Variants in INPP5F observed in about 807,000 individuals in gnomAD.
The protein encoded by INPP5F is inositol polyphosphate-5-phosphatase F, also known as phosphatidylinositide 4-phosphatase SAC2.
In INPP5F, 97 loss-of-function variants were observed where a neutral mutation model predicts 137.2. That is an observed-to-expected ratio of 0.71 (90% CI 0.60 to 0.84). INPP5F has a LOEUF of 0.84. Ranked by LOEUF, INPP5F falls within the 40% of genes least tolerant of loss-of-function variation. The probability of loss-of-function intolerance (pLI) is 0.00; values close to 1 mark genes in which losing one functional copy is unlikely to be tolerated. For synonymous variants in INPP5F, 504 were observed against 476.9 expected (o/e 1.06, Z -0.74); for missense variants, 1,271 against 1,371.9 (o/e 0.93, Z 1.16).
intron 2 of INPP5F, among the ~76,000 whole-genome samples, chr10:119,759,672 A>T (rs530068249): frequency 6.6e-6 from 1 of 152,114 alleles, no homozygotes; most frequent in Non-Finnish European, 1.5e-5. Flanking sequence ...TAAGATTTTC[A>T]TTGGTGACCA....
chr10:119,741,595 C>T (rs961642809), intron 1 of INPP5F, among the ~76,000 whole-genome samples: 22 of 152,246 alleles, frequency 1.4e-4, no homozygotes, highest in Middle Eastern at 6.8e-3. Flanking sequence ...AGTGCAGTGG[C>T]GTGATCTTGG....
In INPP5F at chr10:119,726,310, G is replaced by T. The variant is rs868731030; in HGVS notation, c.48G>T (p.Glu16Asp). Residue 16 changes from glutamate to aspartate, a missense_variant, in exon 1 of 20, where the codon GAG becomes GAT. Coordinates refer to ENST00000650623, the MANE Select transcript of INPP5F (RefSeq NM_014937.4). The part of the protein sequence containing the change: ...AKDHYILQQG[E>D]RALWCSRRDG... ...ACCACTACATCCTGCAGCAGGGCGA[G>T]CGCGCGCTGTGGTGCAGCCGCCGCG... 3.4e-6 allele frequency: 5 copies of T among 1,485,916 alleles called. No individual in the cohort carries two copies. Among genetic ancestry groups the T allele is most frequent in the South Asian group, 1.3e-5 (1 of 78,502 alleles). 92.0% of individuals were successfully genotyped at this position (1,485,916 alleles called of 1,614,324 possible).
chr10:119,771,878 ATATATTTTTTTTTTTTTTTTTTT>A (rs1849368781), intron 2 of INPP5F, among the ~76,000 whole-genome samples: 1 of 20,424 alleles, frequency 4.9e-5, no homozygotes, highest in Non-Finnish European at 8.1e-5. Context: ...ATATATATAT[ATATATTTTTTTTTTTTTTTTTTT>A]TTTTTTTTTT....
intron 9 of INPP5F, among the ~76,000 whole-genome samples, chr10:119,799,673 CAATTA>C (rs1290427900): frequency 6.6e-6 from 1 of 152,232 alleles, no homozygotes; most frequent in Middle Eastern, 3.4e-3. Flanking sequence ...AAGGTATTAT[CAATTA>C]AATTAAACAT....
chr10:119,758,953 A>G (rs1191868411), intron 2 of INPP5F, among the ~76,000 whole-genome samples: 1 of 152,176 alleles, frequency 6.6e-6, no homozygotes, highest in African/African-American at 2.4e-5. Flanking sequence ...TATTTTACAT[A>G]TTTTAGTGGT....
intron 1 of INPP5F, among the ~76,000 whole-genome samples, chr10:119,729,663 A>G (rs1188185309): frequency 1.4e-5 from 2 of 142,932 alleles, no homozygotes; most frequent in Admixed American, 1.4e-4. Flanking sequence ...TGTAGCCCCT[A>G]CCTCCCGGCA....
At chr10:119,775,688 A>G (rs771321320) in intron 2 of INPP5F, among the ~76,000 whole-genome samples, 2 of 152,126 alleles carry the variant, frequency 1.3e-5, no homozygotes, top group African/African-American at 4.8e-5. Context: ...GTTGAACATC[A>G]TAGAAGACTG....
chr10:119,726,273 TC>T lies in INPP5F; in HGVS notation c.13del (p.Gln5LysfsTer44). Reference protein sequence around the residue: MELFQAKDHYILQQ... With the variant: MELXQAKDHYILQQ... ...GCGCGCGGGGCCAGCATGGAGCTCTTCCAAGCCAAGGACCACTACATCCTGC... is the reference window on the plus strand; with the variant it reads ...GCGCGCGGGGCCAGCATGGAGCTCTTCAAGCCAAGGACCACTACATCCTGC... On this transcript the variant is annotated frameshift_variant, in exon 1 of 20. Coordinates refer to ENST00000650623, the MANE Select transcript of INPP5F (RefSeq NM_014937.4). LOFTEE classifies it high-confidence loss of function. 1 of 1,484,240 alleles carries T rather than the reference TC, an allele frequency of 6.7e-7. No individual in the cohort carries two copies. The allele number at this position is 1,484,240 out of a possible 1,614,324, so 91.9% of individuals were successfully genotyped here.
At position 119,787,624 on chromosome 10, in the gene INPP5F, G is replaced by A. The variant is rs1394681767; in HGVS notation, c.316-3893G>A. ...AGGAAAGGATAGAAGGAAGGAAAGG[G>A]AAGGGGGAGGGGAAGGGGAGGAGGA... On this transcript the variant is annotated intron_variant, in intron 3 of 19. Coordinates refer to ENST00000650623, the MANE Select transcript of INPP5F (RefSeq NM_014937.4). This position sits in a 1 kb window ranked among gnomAD's most constrained non-coding sequence, Gnocchi z 4.1. 6.6e-6 allele frequency among the ~76,000 whole-genome samples: 1 copy of A among 151,414 alleles called. No homozygotes were observed. The highest frequency in any genetic ancestry group is 1.5e-5 in the Non-Finnish European group (1 of 67,798).
chr10:119,756,865 C>CAAAAAAAAAAAAAA lies in INPP5F; in HGVS notation c.178+5717_178+5730dup. Among the ~76,000 whole-genome samples, 2 of 97,346 alleles carry CAAAAAAAAAAAAAA rather than the reference C, an allele frequency of 2.1e-5. 1 individual carries two copies. The highest frequency in any genetic ancestry group is 3.8e-5 in the Non-Finnish European group (2 of 52,418). 63.9% of individuals were successfully genotyped at this position (97,346 alleles called of 152,430 possible). A position where few individuals can be genotyped will look rare whatever the true frequency, so the allele number is the denominator to read the frequency against. ...CCTGCCCTTTTAGCAAGCTCTGCCA[C>CAAAAAAAAAAAAAA]AAAAAAAAAAAAAAAAAAAAAGGTT... On this transcript the variant is annotated intron_variant, in intron 2 of 19. Transcript: ENST00000650623.
At chr10:119,801,776 T>A (rs1186788244) in intron 9 of INPP5F, among the ~76,000 whole-genome samples, 2 of 151,912 alleles carry the variant, frequency 1.3e-5, no homozygotes, top group Middle Eastern at 3.2e-3. Context: ...AAAATAAAAA[T>A]ACAATAATGA....
intron 2 of INPP5F, among the ~76,000 whole-genome samples, chr10:119,753,192 T>C (rs1252646745): frequency 6.6e-6 from 1 of 152,118 alleles, no homozygotes; most frequent in Non-Finnish European, 1.5e-5. Flanking sequence ...CTAAAATTCG[T>C]TTTCTATTAT....
At chr10:119,727,559 C>G (rs1247452579) in intron 1 of INPP5F, among the ~76,000 whole-genome samples, 1 of 152,244 alleles carries the variant, frequency 6.6e-6, no homozygotes, top group Non-Finnish European at 1.5e-5. Context: ...TCTGTGACCT[C>G]CAGAACACTT....
chr10:119,784,442 A>G (rs1205574311), intron 3 of INPP5F, among the ~76,000 whole-genome samples: 1 of 152,202 alleles, frequency 6.6e-6, no homozygotes, highest in East Asian at 1.9e-4. Flanking sequence ...AAACAAAACT[A>G]CTTATTTCTC....
At chr10:119,743,774 T>G (rs1027249309) in intron 1 of INPP5F, among the ~76,000 whole-genome samples, 1 of 152,194 alleles carries the variant, frequency 6.6e-6, no homozygotes, top group African/African-American at 2.4e-5. Flanking sequence ...ATATTCATAT[T>G]TATCCCTTTT....
chr10:119,791,955 T>C lies in INPP5F; in HGVS notation c.531T>C (p.Tyr177=). 6.2e-7 allele frequency: 1 copy of C among 1,614,198 alleles called. No individual in the cohort carries two copies. The highest frequency in any genetic ancestry group is 8.5e-7 in the Non-Finnish European group (1 of 1,180,014). The change falls in exon 5 of 20, where the codon TAT becomes TAC. Residue 177 remains tyrosine (Y), a synonymous_variant. Coordinates refer to ENST00000650623, the MANE Select transcript of INPP5F (RefSeq NM_014937.4). The part of the protein sequence containing the change: ...LKMFMDSESF[Y]YSLTYDLTNS... ...TGTTCATGGACTCAGAATCCTTTTA[T>C]TATAGCTTGACCTATGACCTGACCA...
chr10:119,822,287 T>C lies in INPP5F; in HGVS notation c.1959-144T>C, dbSNP rs1589758442. ...TGTTTAATTTTTAACAGAGTTCTTA[T>C]GTTTAACATTTTACCCCAGAATGTA... is the stretch of plus-strand genomic sequence containing the variant. On this transcript the variant is annotated intron_variant, in intron 16 of 19. Coordinates refer to ENST00000650623, the MANE Select transcript of INPP5F (RefSeq NM_014937.4). 4.1e-5 allele frequency: 20 copies of C among 488,324 alleles called. No homozygotes were observed. The East Asian group carries it at 5.9e-4, about 15-fold the overall frequency. The allele number at this position is 488,324 out of a possible 1,614,324, so 30.2% of individuals were successfully genotyped here. A position where few individuals can be genotyped will look rare whatever the true frequency, so the allele number is the denominator to read the frequency against.
intron 3 of INPP5F, among the ~76,000 whole-genome samples, chr10:119,786,255 C>G (rs1472132675): frequency 6.6e-6 from 1 of 152,116 alleles, no homozygotes; most frequent in Admixed American, 6.5e-5. Context: ...TTTTTGAGAT[C>G]GCGTGTTTCA....
chr10:119,762,374 C>T (rs1849033879), intron 2 of INPP5F, among the ~76,000 whole-genome samples: 2 of 152,098 alleles, frequency 1.3e-5, no homozygotes, highest in African/African-American at 2.4e-5. Flanking sequence ...TGGCAGGAGG[C>T]GTGAGGGAGC....
Sources: gnomAD v4.1 joint callset for allele counts (sites outside exome capture counted in the v4.1 genomes callset) on GRCh38, gnomAD v4.1.1 for gene constraint, Gnocchi (gnomAD v3.1) non-coding constraint, MANE v1.5 for transcripts, NCBI Gene and HGNC (gene_info 2026-07-23, HGNC 2026-07-21) for gene names.